The following PDXDC1 variants were observed in gnomAD, a reference collection of about 807,000 sequenced individuals.
PDXDC1 encodes the protein pyridoxal-dependent decarboxylase domain-containing protein 1.
Under a neutral mutation model 100.1 loss-of-function variants are expected in PDXDC1, and 42 were observed. The ratio of observed to expected loss-of-function variants is 0.42; its 90% CI spans 0.33 to 0.54. The LOEUF (loss-of-function observed/expected upper bound fraction) is 0.54, where lower values mean the gene tolerates loss of function less well. Among genes scored for constraint, PDXDC1 ranks in the 20% least tolerant of loss-of-function variants. PDXDC1 has a pLI of 0.10. For missense variants in PDXDC1, 636 were observed against 979.2 expected, an observed-to-expected ratio of 0.65 and a Z score of 4.68; for synonymous variants, 260 against 371.7, an observed-to-expected ratio of 0.70 and a Z score of 3.46.
the PDXDC1 span, among the ~76,000 whole-genome samples, chr16:15,144,702 CG>C: frequency 6.6e-6 from 1 of 151,734 alleles, no homozygotes; most frequent in African/African-American, 2.4e-5. Context: ...CAGGTCCTCC[CG>C]GGACCCACAG....
rs376663643 is a variant in PDXDC1, at chr16:15,038,226, G to C, written c.*1951G>C. On this transcript the variant is annotated 3_prime_UTR_variant, in exon 23 of 23. Transcript: ENST00000396410. ...TGGAAAGATTCTGAAAACACAAGAT[G>C]GTGGGCATTAGAGAAGCCAACCTTA... 6.2e-7 allele frequency: 1 copy of C among 1,607,810 alleles called. No individual in the cohort carries two copies. Among genetic ancestry groups the C allele is most frequent in the African/African-American group, 1.3e-5 (1 of 74,900 alleles).
rs1473165505 is a variant in PDXDC1, at chr16:15,075,348, G to A, written c.1399+45292G>A. ...AACACTTTGGGAGGCCAAGGCAGGA[G>A]GATCACTTGAGCTCAGGAACTTGAG... On this transcript the variant is annotated intron_variant, in intron 16 of 16. Transcript: ENST00000535621. 3.9e-5 allele frequency among the ~76,000 whole-genome samples: 6 copies of A among 152,202 alleles called. 1 individual carries two copies. The South Asian group carries it at 1.2e-3, about 32-fold the overall frequency.
At position 15,126,950 on chromosome 16, in the gene PDXDC1, G is replaced by T; in HGVS notation, c.1400-11929G>T. On this transcript the variant is annotated intron_variant, in intron 16 of 16. Transcript: ENST00000535621. ...TGGGATTACAGGCGTGAGCCACCGT[G>T]CCTGGTCCTTTTTAATGTTTTATAT... 3 of 275,068 alleles carry T rather than the reference G, an allele frequency of 1.1e-5. No individual in the cohort carries two copies. In the South Asian group the frequency reaches 1.1e-4, roughly 11 times the overall value. The allele number at this position is 275,068 out of a possible 1,614,324, so 17.0% of individuals were successfully genotyped here.
chr16:15,133,693 G>A (rs1311592913), intron 16 of PDXDC1: 70 of 1,598,780 alleles, frequency 4.4e-5, no homozygotes, highest in Non-Finnish European at 5.2e-5. Context: ...CATCCTCCGC[G>A]TCATGCCAGC....
At chr16:15,122,235 G>C (rs2047457920) in intron 16 of PDXDC1, among the ~76,000 whole-genome samples, 1 of 151,376 alleles carries the variant, frequency 6.6e-6, no homozygotes, top group Non-Finnish European at 1.5e-5. Context: ...ACTTTGTTTT[G>C]GTCCGTTTTG....
chr16:15,063,476 A>T (rs2044806094), intron 16 of PDXDC1, among the ~76,000 whole-genome samples: 3 of 152,234 alleles, frequency 2.0e-5, no homozygotes, highest in Non-Finnish European at 4.4e-5. Flanking sequence ...TGGGAGGCTG[A>T]GGTGGGCAGA....
chr16:14,991,113 C>A (rs1454711941), intron 1 of PDXDC1, among the ~76,000 whole-genome samples: 7 of 152,284 alleles, frequency 4.6e-5, no homozygotes, highest in African/African-American at 1.7e-4. Flanking sequence ...GTCAGAGATT[C>A]ACCTGGGGAT....
At chr16:15,145,150 A>G in the PDXDC1 span, among the ~76,000 whole-genome samples, 2 of 152,176 alleles carry the variant, frequency 1.3e-5, no homozygotes, top group African/African-American at 4.8e-5. Context: ...CAGAGTGTCA[A>G]TGGAGGAAGC....
At chr16:15,038,378 CCCACACACATTT>C (rs201658549), downstream of PDXDC1, 1,868 of 624,096 alleles carry the variant, frequency 3.0e-3, 28 homozygotes, top group African/African-American at 0.029. Context: ...TACTGCTTTA[CCCACACACATTT>C]CCATCTAGGA....
chr16:15,089,786 CAAAAAAAAAAAAA>C (rs142235345), intron 16 of PDXDC1, among the ~76,000 whole-genome samples: 2 of 66,580 alleles, frequency 3.0e-5, no homozygotes, highest in South Asian at 6.9e-4. Flanking sequence ...GGCGACAGAG[CAAAAAAAAAAAAA>C]AAAAAAAAAA....
intron 8 of PDXDC1, among the ~76,000 whole-genome samples, chr16:15,015,026 C>T (rs1231171913): frequency 6.6e-6 from 1 of 152,286 alleles, no homozygotes; most frequent in Non-Finnish European, 1.5e-5. Flanking sequence ...CAAGCTCTGC[C>T]TCCCAGGTTC....
chr16:15,137,630 A>C, intron 16 of PDXDC1: 1 of 1,339,482 alleles, frequency 7.5e-7, no homozygotes, highest in East Asian at 2.5e-5. Flanking sequence ...ACAGGCTCCC[A>C]TGCTGTTCCC....
intron 16 of PDXDC1, among the ~76,000 whole-genome samples, chr16:15,091,542 T>G (rs1406675872): frequency 6.6e-6 from 1 of 151,576 alleles, no homozygotes; most frequent in Non-Finnish European, 1.5e-5. Flanking sequence ...ACACTCATGT[T>G]AGTGCAGCCA....
At position 14,975,227 on chromosome 16, in the gene PDXDC1, G is replaced by A. The variant is rs1018520690; in HGVS notation, c.21+7G>A. On this transcript the variant is annotated splice_region_variant and intron_variant, in intron 1 of 22. Transcript: ENST00000396410. ...GGACGCGTCCCTGGAGAAGGTCCGT[G>A]CCGGGAGGGGGCGATGGGGACGGTG... is the stretch of plus-strand genomic sequence containing the variant. The A allele has an allele frequency of 1.4e-6, 2 of 1,418,830 alleles. No homozygotes were observed. Among genetic ancestry groups the A allele is most frequent in the African/African-American group, 1.5e-5 (1 of 65,946 alleles). The allele number at this position is 1,418,830 out of a possible 1,614,324, so 87.9% of individuals were successfully genotyped here.
chr16:15,022,223 C>T (rs1347124840), intron 12 of PDXDC1, among the ~76,000 whole-genome samples: 2 of 152,296 alleles, frequency 1.3e-5, no homozygotes, highest in South Asian at 2.1e-4. Context: ...TACATACTAT[C>T]CTCCCCATTT....
At chr16:15,005,215 C>T (rs1436561976) in intron 5 of PDXDC1, among the ~76,000 whole-genome samples, 2 of 151,756 alleles carry the variant, frequency 1.3e-5, no homozygotes, top group East Asian at 3.9e-4. Flanking sequence ...AAAAATTAGC[C>T]GGGCGTGGTA....
At chr16:15,145,512 G>A in the PDXDC1 span, among the ~76,000 whole-genome samples, 3 of 152,268 alleles carry the variant, frequency 2.0e-5, no homozygotes, top group African/African-American at 4.8e-5. Context: ...TGGCCTGACA[G>A]AAGCCAGCCT....
In PDXDC1 at chr16:14,998,373, A is replaced by G; in HGVS notation, c.129A>G (p.Ile43Met). Reference protein sequence around the residue: ...RTEEENGKKLISGDIPGPLQG... With the variant: ...RTEEENGKKLMSGDIPGPLQG... The stretch of plus-strand genomic sequence containing the variant: ...AAGAGGAAAATGGAAAGAAGCTCAT[A>G]TCCGGAGATATTCCAGGCCCACTCC... Residue 43 changes from isoleucine to methionine, a missense_variant, in exon 3 of 23, where the codon ATA becomes ATG. Ile to Met is a conservative substitution (Grantham distance 10, BLOSUM62 1). This residue lies in a region of PDXDC1 where 125 missense variants were observed against 479.9 expected (regional missense o/e 0.26). Coordinates refer to ENST00000396410, the MANE Select transcript of PDXDC1 (RefSeq NM_015027.4). 1 of 1,613,448 alleles carries G rather than the reference A, an allele frequency of 6.2e-7. No homozygotes were observed. Among genetic ancestry groups the G allele is most frequent in the East Asian group, 2.2e-5 (1 of 44,846 alleles).
intron 21 of PDXDC1, among the ~76,000 whole-genome samples, chr16:15,034,968 A>G (rs1003520261): frequency 6.6e-6 from 1 of 152,082 alleles, no homozygotes; most frequent in East Asian, 1.9e-4. Flanking sequence ...TTTATTTTGA[A>G]CCAGGCAGCC....
Sources: allele counts gnomAD v4.1 joint callset (sites outside exome capture counted in the v4.1 genomes callset), GRCh38; gene constraint gnomAD v4.1.1; regional missense constraint gnomAD v4.1.1; transcripts MANE v1.5; gene names NCBI Gene and HGNC (gene_info 2026-07-23, HGNC 2026-07-21).